TCP1: variants seen among roughly 807,000 people sequenced by gnomAD.
TCP1 encodes the protein t-complex 1, also known as T-complex protein 1 subunit alpha.
Under a neutral mutation model 54.7 loss-of-function variants are expected in TCP1, and 6 were observed. The ratio of observed to expected loss-of-function variants is 0.11; its 90% confidence interval spans 0.06 to 0.22. The LOEUF (loss-of-function observed/expected upper bound fraction) is 0.22. Ranked by LOEUF, TCP1 falls within the 10% of genes least tolerant of loss-of-function variation. The pLI, the probability that TCP1 is intolerant of heterozygous loss-of-function variation, is 1.00. For missense variants in TCP1, 511 were observed against 678.2 expected, an observed-to-expected ratio of 0.75 and a Z score of 2.74; for synonymous variants, 225 against 229.7, an observed-to-expected ratio of 0.98 and a Z score of 0.19.
At chr6:159,782,402 G>A (rs1562483228) in intron 7 of TCP1, among the ~76,000 whole-genome samples, 1 of 152,272 alleles carries the variant, frequency 6.6e-6, no homozygotes, top group East Asian at 1.9e-4. Context: ...AGTTACAACA[G>A]AATATAATTT....
intron 1 of TCP1, chr6:159,788,803 A>G (rs1780766076): frequency 1.3e-5 from 2 of 152,944 alleles, no homozygotes; most frequent in African/African-American, 4.8e-5. Flanking sequence ...GTAGGTATCC[A>G]AAGGCCTGAC....
chr6:159,783,981 C>T lies in TCP1; in HGVS notation c.757G>A (p.Val253Ile), dbSNP rs749169211. The change falls in exon 7 of 12, where the codon GTC (valine) becomes ATC (isoleucine). Residue 253 changes from valine to isoleucine, a missense_variant. By Grantham distance (29) the Val-to-Ile change is conservative. Around this residue, in one of 5 missense-constraint regions of TCP1, gnomAD observed 305 missense variants for 352.8 expected, o/e 0.86. Coordinates refer to ENST00000321394, the MANE Select transcript of TCP1 (RefSeq NM_030752.3). ...KTKMKLGVQV[V>I]ITDPEKLDQI... ...TCCAGTTTTTCAGGGTCTGTAATGA[C>T]CACCTGTACACCAAGCTTCATTTTT... 45 of 1,612,370 alleles carry T rather than the reference C, an allele frequency of 2.8e-5. No individual in the cohort carries two copies. Among genetic ancestry groups the T allele is most frequent in the Non-Finnish European group, 3.7e-5 (44 of 1,179,946 alleles).
intron 7 of TCP1, among the ~76,000 whole-genome samples, chr6:159,783,304 G>C (rs1173127895): frequency 6.6e-6 from 1 of 151,454 alleles, no homozygotes; most frequent in Admixed American, 6.6e-5. Context: ...CACCCGTGCA[G>C]ACTGATTTAA....
intron 3 of TCP1, among the ~76,000 whole-genome samples, chr6:159,786,910 C>G (rs984676857): frequency 6.6e-6 from 1 of 152,030 alleles, no homozygotes; most frequent in African/African-American, 2.4e-5. Flanking sequence ...ATTAATTTCT[C>G]ACACTCCCAT....
At position 159,781,049 on chromosome 6, in the gene TCP1, G is replaced by C. The variant is rs766963421; in HGVS notation, c.859C>G (p.Leu287Val). ...KILATGANVILTTGGIDDMCL... is the reference protein window; with the variant it reads ...KILATGANVIVTTGGIDDMCL... ...ATATCATCAATTCCACCAGTGGTTA[G>C]AATAACATTGGCACCAGTTGCCAGG... Residue 287 changes from leucine (L) to valine (V), a missense_variant, in exon 8 of 12, where the codon CTA becomes GTA. Leu to Val is a conservative substitution (Grantham distance 32). Coordinates refer to ENST00000321394, the MANE Select transcript of TCP1 (RefSeq NM_030752.3). 1.2e-6 allele frequency: 2 copies of C among 1,612,956 alleles called. No individual in the cohort carries two copies. The highest frequency in any genetic ancestry group is 1.1e-5 in the South Asian group (1 of 90,804).
In TCP1 at chr6:159,789,156, C is replaced by G. The variant is rs544652232; in HGVS notation, c.64+249G>C. On this transcript the variant is annotated intron_variant, in intron 1 of 11. Coordinates refer to ENST00000321394, the MANE Select transcript of TCP1 (RefSeq NM_030752.3). ...GGAGGGCGCGTTTCCAACGCCGCCC[C>G]GGACACCACATCCACGCGTTGCCGG... The G allele has an allele frequency of 9.3e-4, 460 of 494,552 alleles. 2 individuals are homozygous for G. The highest frequency in any genetic ancestry group is 8.9e-3 in the African/African-American group (436 of 49,260). 30.6% of individuals were successfully genotyped at this position (494,552 alleles called of 1,614,324 possible). A position where few individuals can be genotyped will look rare whatever the true frequency, so the allele number is the denominator to read the frequency against.
At position 159,787,078 on chromosome 6, in the gene TCP1, T is replaced by TAAAGAAAAAAA. The variant is rs1554269420; in HGVS notation, c.279+664_279+665insTTTTTTTCTTT. 2.8e-4 allele frequency among the ~76,000 whole-genome samples: 38 copies of TAAAGAAAAAAA among 133,614 alleles called. 1 individual carries two copies. The highest frequency in any genetic ancestry group is 8.3e-4 in the African/African-American group (29 of 35,070). The allele number at this position is 133,614 out of a possible 152,430, so 87.7% of individuals were successfully genotyped here. Reference sequence around the variant, plus strand: ...GGCAACATAGCGAGACCCTGTCTCTTAAAAAAAAAAAAAAGAGGTTTTTAA... The same window carrying TAAAGAAAAAAA: ...GGCAACATAGCGAGACCCTGTCTCTTAAAGAAAAAAAAAAAAAAAAAAAAAGAGGTTTTTAA... On this transcript the variant is annotated intron_variant, in intron 3 of 11. Transcript: ENST00000321394.
chr6:159,783,379 ATTTTTTTTTTTT>A (rs770127722), intron 7 of TCP1, among the ~76,000 whole-genome samples: 6 of 118,838 alleles, frequency 5.0e-5, no homozygotes, highest in Non-Finnish European at 8.3e-5. Context: ...TGTTTAAACT[ATTTTTTTTTTTT>A]TTTTTTTTGA....
In TCP1 at chr6:159,787,804, T is replaced by C. The variant is rs201278064; in HGVS notation, c.218A>G (p.Lys73Arg). Residue 73 changes from lysine to arginine, a missense_variant, in exon 3 of 12, where the codon AAA (lysine) becomes AGA (arginine). Transcript: ENST00000321394. ...CAGATCAGCCAGCTCACAAAGAACT[T>C]TAGCTGCAGGATGTTCTACCTCCAG... The part of the protein sequence containing the change: ...KLLEVEHPAA[K>R]VLCELADLQD... 1.2e-5 allele frequency: 19 copies of C among 1,614,178 alleles called. No homozygotes were observed. In the East Asian group the frequency reaches 4.2e-4, roughly 36 times the overall value.
At chr6:159,780,288 T>C in intron 9 of TCP1, 155 bp downstream of exon 9, 2 of 1,297,510 alleles carry the variant, frequency 1.5e-6, no homozygotes, top group African/African-American at 1.5e-5. Flanking sequence ...AAATGGTTAC[T>C]TCATCTCAAT....
intron 4 of TCP1, 22 bp from the exon 5 acceptor site, chr6:159,785,518 A>G: frequency 6.4e-7 from 1 of 1,560,930 alleles, no homozygotes; most frequent in Middle Eastern, 1.7e-4. Context: ...TGTGGGGGAG[A>G]AAAACGCTTA....
intron 1 of TCP1, chr6:159,788,559 G>A (rs1583145758): frequency 6.4e-6 from 1 of 156,122 alleles, no homozygotes; most frequent in African/African-American, 2.5e-5. Context: ...GCACAGCTTT[G>A]ATGCGGGGTG....
intron 1 of TCP1, chr6:159,789,079 G>T (rs1171712577): frequency 5.4e-6 from 2 of 373,490 alleles, no homozygotes; most frequent in Non-Finnish European, 4.9e-6. Context: ...GAAACAAAAG[G>T]GGGTGCGAGG....
At position 159,788,041 on chromosome 6, in the gene TCP1, C is replaced by G; in HGVS notation, c.150+17G>C. The G allele has an allele frequency of 6.2e-7, 1 of 1,612,048 alleles. No homozygotes were observed. The highest frequency in any genetic ancestry group is 1.1e-5 in the South Asian group (1 of 90,950). On this transcript the variant is annotated intron_variant, in intron 2 of 11. Transcript: ENST00000321394. ...TTTTACTTTAAGGAAACTAACACAA[C>G]AGTTATGTGTACTTACACCAATATC...
chr6:159,783,231 A>G (rs1780616437), intron 7 of TCP1, among the ~76,000 whole-genome samples: 1 of 152,190 alleles, frequency 6.6e-6, no homozygotes, highest in African/African-American at 2.4e-5. Context: ...CACTTACTGT[A>G]GAGGGACTGG....
At chr6:159,786,051 T>C (rs1780688890) in intron 3 of TCP1, 54 bp from the exon 4 acceptor site, 25 of 1,401,764 alleles carry the variant, frequency 1.8e-5, no homozygotes, top group Admixed American at 1.2e-4. Context: ...ACATGTGCAA[T>C]ACATATGGAA....
At position 159,779,720 on chromosome 6, in the gene TCP1, A is replaced by T; in HGVS notation, c.1361T>A (p.Val454Asp). The T allele has an allele frequency of 6.2e-7, 1 of 1,613,392 alleles. No individual in the cohort carries two copies. Among genetic ancestry groups the T allele is most frequent in the Non-Finnish European group, 8.5e-7 (1 of 1,179,820 alleles). ...SLLVIPNTLA[V>D]NAAQDSTDLV... is the part of the protein sequence containing the mutation. ...ATCTGTGGAGTCCTGGGCAGCATTAACTGCTAGTGTATTGGGAATAACAAG... is the reference window on the plus strand; with the variant it reads ...ATCTGTGGAGTCCTGGGCAGCATTATCTGCTAGTGTATTGGGAATAACAAG... The change falls in exon 11 of 12, where the codon GTT (valine) becomes GAT (aspartate). Residue 454 changes from valine to aspartate, a missense_variant. Physicochemically the swap from Val to Asp is radical, Grantham distance 152. This residue lies in a region of TCP1 where 88 missense variants were observed against 153.1 expected (regional missense o/e 0.57). Transcript: ENST00000321394.
intron 5 of TCP1, 189 bp downstream of exon 5, chr6:159,785,197 G>A (rs916554374): frequency 6.5e-5 from 40 of 615,456 alleles, no homozygotes; most frequent in Middle Eastern, 4.3e-4. Flanking sequence ...CAACACATGC[G>A]CACACACGCA....
Position 159,785,369 on chromosome 6 carries a change from G to A in TCP1, c.488+17C>T. On this transcript the variant is annotated intron_variant, in intron 5 of 11. Transcript: ENST00000321394. ...GCTTTAAAAAGTCTAAATTTTATCT[G>A]ACAACCACAAGGATACATTCCAATG... 6.3e-7 allele frequency: 1 copy of A among 1,589,806 alleles called. No individual in the cohort carries two copies. Among genetic ancestry groups the A allele is most frequent in the Non-Finnish European group, 8.6e-7 (1 of 1,160,286 alleles).
Sources: allele counts gnomAD v4.1 joint callset (sites outside exome capture counted in the v4.1 genomes callset), GRCh38; gene constraint gnomAD v4.1.1; regional missense constraint gnomAD v4.1.1; transcripts MANE v1.5; gene names NCBI Gene and HGNC (gene_info 2026-07-23, HGNC 2026-07-21).